The following ABCC1 variants were observed in gnomAD, a reference collection of about 807,000 sequenced individuals.
The protein encoded by ABCC1 is ATP binding cassette subfamily C member 1 (ABCC1 blood group).
A neutral mutation model predicts 172.9 loss-of-function variants in ABCC1; 83 were observed. The ratio of observed to expected loss-of-function variants is 0.48; its 90% CI spans 0.40 to 0.58. The LOEUF is 0.58. Ranked by LOEUF, ABCC1 falls within the 20% of genes least tolerant of loss-of-function variation. ABCC1 has a pLI of 0.00. For missense variants in ABCC1, 1,817 were observed against 2,002.7 expected, an observed-to-expected ratio of 0.91 and a Z score of 1.77; for synonymous variants, 937 against 825.2, an observed-to-expected ratio of 1.14 and a Z score of -2.32.
Position 16,078,087 on chromosome 16 carries a change from G to T in ABCC1, c.1989-1265G>T, listed in dbSNP as rs1043483422. On this transcript the variant is annotated intron_variant, in intron 15 of 30. Coordinates refer to ENST00000399410, the MANE Select transcript of ABCC1 (RefSeq NM_004996.4). ...GCACAAGAATCATTTGAACCTGGGA[G>T]GCACAGGTTTCAGTGAGCCAAGATT... is the stretch of plus-strand genomic sequence containing the variant. 9.9e-5 allele frequency among the ~76,000 whole-genome samples: 15 copies of T among 152,254 alleles called. 1 individual carries two copies. Among genetic ancestry groups the T allele is most frequent in the Admixed American group, 3.3e-4 (5 of 15,280 alleles).
At chr16:16,008,350 T>C (rs901362532) in intron 2 of ABCC1, among the ~76,000 whole-genome samples, 8 of 151,606 alleles carry the variant, frequency 5.3e-5, no homozygotes, top group Non-Finnish European at 8.8e-5. Context: ...TATATTTATA[T>C]AGATTTTTTC....
intron 1 of ABCC1, among the ~76,000 whole-genome samples, chr16:15,962,755 A>G (rs929369672): frequency 6.6e-6 from 1 of 152,236 alleles, no homozygotes; most frequent in African/African-American, 2.4e-5. Context: ...AATCACCTCC[A>G]GTGAGGTCCC....
intron 14 of ABCC1, among the ~76,000 whole-genome samples, chr16:16,073,850 G>A (rs2050448662): frequency 6.6e-6 from 1 of 152,234 alleles, no homozygotes; most frequent in African/African-American, 2.4e-5. Flanking sequence ...AACCCATACA[G>A]TCTGGCTCCA....
rs367825067 is a variant in ABCC1, at chr16:16,131,791, G to A, written c.3822G>A (p.Ala1274=). 202 of 1,613,074 alleles carry A rather than the reference G, an allele frequency of 1.3e-4. No individual in the cohort carries two copies. In the African/African-American group the frequency reaches 2.0e-3, roughly 16 times the overall value. ...CTCTCCCTTCACTGCGATCGAAGGC[G>A]CCCTGGCAAATCCAGGAGACAGCTC... ...LKEYSETEKE[A]PWQIQETAPP... The change falls in exon 27 of 31, where the codon GCG becomes GCA. Residue 1274 remains alanine, a splice_region_variant and synonymous_variant. Transcript: ENST00000399410.
At chr16:16,009,464 G>C (rs2047685315) in intron 2 of ABCC1, among the ~76,000 whole-genome samples, 1 of 152,208 alleles carries the variant, frequency 6.6e-6, no homozygotes, top group African/African-American at 2.4e-5. Context: ...CGGAGTTGCA[G>C]CTAGAGATGA....
intron 1 of ABCC1, among the ~76,000 whole-genome samples, chr16:16,003,787 T>G (rs1401268943): frequency 5.1e-5 from 2 of 39,514 alleles, no homozygotes; most frequent in Admixed American, 2.5e-4. Flanking sequence ...ATGGATGAAC[T>G]GGTGGGTGGG....
intron 27 of ABCC1, among the ~76,000 whole-genome samples, chr16:16,132,867 CTT>C (rs2045760006): frequency 1.3e-5 from 2 of 152,054 alleles, no homozygotes; most frequent in African/African-American, 4.8e-5. Flanking sequence ...ATCTGGAAGA[CTT>C]AATATAAAAA....
chr16:16,116,205 C>G (rs547397496), intron 23 of ABCC1, among the ~76,000 whole-genome samples: 1 of 152,020 alleles, frequency 6.6e-6, no homozygotes, highest in Admixed American at 6.6e-5. Flanking sequence ...CGCCCGGCCC[C>G]TTTCATTCTT....
intron 1 of ABCC1, among the ~76,000 whole-genome samples, chr16:15,959,258 A>G (rs1004169683): frequency 2.0e-5 from 3 of 152,070 alleles, no homozygotes; most frequent in Admixed American, 6.6e-5. Context: ...ACCTTTTTCC[A>G]TTTTCCCAGT....
intron 21 of ABCC1, among the ~76,000 whole-genome samples, chr16:16,109,630 C>T (rs369293964): frequency 5.3e-5 from 8 of 152,160 alleles, no homozygotes; most frequent in South Asian, 2.1e-4. Flanking sequence ...TCATGTCAGG[C>T]GGCTAGACAC....
chr16:15,954,386 A>T (rs941031395), intron 1 of ABCC1, among the ~76,000 whole-genome samples: 1 of 150,756 alleles, frequency 6.6e-6, no homozygotes, highest in African/African-American at 2.4e-5. Context: ...TCCCTTCCTT[A>T]TGGAGTGTTA....
In ABCC1 at chr16:16,125,837, C is replaced by T; in HGVS notation, c.3745C>T (p.Arg1249Trp). 1.2e-6 allele frequency: 2 copies of T among 1,613,890 alleles called. No homozygotes were observed. The highest frequency in any genetic ancestry group is 1.7e-6 in the Non-Finnish European group (2 of 1,179,964). Residue 1249 changes from arginine to tryptophan, a missense_variant, in exon 26 of 31, where the codon CGG becomes TGG. Around this residue, in one of 3 missense-constraint regions of ABCC1, gnomAD observed 1,412 missense variants for 1,600.3 expected, o/e 0.88. Transcript: ENST00000399410. ...CACCACGTACTTGAACTGGCTGGTT[C>T]GGATGTCATCTGAAATGGAAACCAA... is the stretch of plus-strand genomic sequence containing the variant. The part of the protein sequence containing the change: ...QVTTYLNWLV[R>W]MSSEMETNIV...
chr16:16,137,379 G>A (rs1337454656), intron 29 of ABCC1, among the ~76,000 whole-genome samples: 6 of 152,058 alleles, frequency 3.9e-5, no homozygotes, highest in African/African-American at 9.7e-5. Flanking sequence ...TTGTCATGGC[G>A]ATGGCAGGGG....
chr16:16,097,878 C>T (rs1257503610), intron 19 of ABCC1: 1 of 152,284 alleles, frequency 6.6e-6, no homozygotes, highest in Non-Finnish European at 1.5e-5. Flanking sequence ...ACTTGGCCAC[C>T]TGCTGTGCCA....
At position 15,957,814 on chromosome 16, in the gene ABCC1, G is replaced by A. The variant is rs45475593; in HGVS notation, c.48+8015G>A. ...CCAGTATGTTGGCCAGCATGGCCTC[G>A]ATCTCTTGACCTCGTGATCCGCCCG... On this transcript the variant is annotated intron_variant, in intron 1 of 30. Transcript: ENST00000399410. Among the ~76,000 whole-genome samples, 259 of 152,150 alleles carry A rather than the reference G, an allele frequency of 1.7e-3. 6 individuals are homozygous for A. The East Asian group carries it at 0.035, about 21-fold the overall frequency.
intron 20 of ABCC1, among the ~76,000 whole-genome samples, chr16:16,105,941 A>G (rs935755845): frequency 2.7e-5 from 4 of 150,448 alleles, no homozygotes; most frequent in African/African-American, 4.9e-5. Context: ...CAGTGGTGCA[A>G]TCACGGCTCA....
chr16:16,056,538 G>A (rs954031110), intron 12 of ABCC1: 8 of 533,366 alleles, frequency 1.5e-5, no homozygotes, highest in South Asian at 2.1e-5. Flanking sequence ...GTGTGGTGGC[G>A]CATGCCTGTA....
At chr16:16,115,876 T>C (rs2044838656) in intron 23 of ABCC1, among the ~76,000 whole-genome samples, 1 of 151,876 alleles carries the variant, frequency 6.6e-6, no homozygotes, top group African/African-American at 2.4e-5. Flanking sequence ...ACCATATTTA[T>C]ACAAGCCTTT....
chr16:15,954,043 T>C (rs1430697414), intron 1 of ABCC1, among the ~76,000 whole-genome samples: 1 of 146,602 alleles, frequency 6.8e-6, no homozygotes, highest in Non-Finnish European at 1.5e-5. Flanking sequence ...TGTCTTGCTG[T>C]GTCGCCCAGG....
Sources: gnomAD v4.1 joint callset for allele counts (sites outside exome capture counted in the v4.1 genomes callset) on GRCh38, gnomAD v4.1.1 for gene constraint, gnomAD v4.1.1 regional missense constraint, MANE v1.5 for transcripts, NCBI Gene and HGNC (gene_info 2026-07-23, HGNC 2026-07-21) for gene names.